Variants in PSPC1 observed in about 807,000 individuals in gnomAD.
PSPC1 encodes the protein paraspeckle component 1, also known as paraspeckle protein 1.
In PSPC1, 14 loss-of-function variants were observed where a neutral mutation model predicts 51.6. The observed-to-expected ratio is 0.27, with a 90% confidence interval of 0.18 to 0.42. PSPC1 has a LOEUF of 0.42. Among genes scored for constraint, PSPC1 ranks in the 10% least tolerant of loss-of-function variants. PSPC1 has a pLI of 1.00. For missense variants in PSPC1, 406 were observed against 701.1 expected (o/e 0.58, Z 4.75); for synonymous variants, 193 against 231.9 (o/e 0.83, Z 1.53).
chr13:19,769,941 T>A (rs1888464887), intron 2 of PSPC1, among the ~76,000 whole-genome samples: 2 of 152,136 alleles, frequency 1.3e-5, no homozygotes, highest in African/African-American at 4.8e-5. Flanking sequence ...CTAAGCCACA[T>A]GAAAGCCTAA....
chr13:19,678,731 T>C (rs1876940944), intron 6 of PSPC1: 1 of 152,188 alleles, frequency 6.6e-6, no homozygotes, highest in African/African-American at 2.4e-5. Flanking sequence ...AGAGGACCCA[T>C]GGGGTCCCTA....
At position 19,772,340 on chromosome 13, in the gene PSPC1, G is replaced by A. The variant is rs367790114; in HGVS notation, c.576C>T (p.Arg192=). 225 of 1,614,050 alleles carry A rather than the reference G, an allele frequency of 1.4e-4. No individual in the cohort carries two copies. The highest frequency in any genetic ancestry group is 1.9e-4 in the Non-Finnish European group (221 of 1,180,050). The part of the protein sequence containing the change: ...VEKAVVVVDD[R]GRATGKGFVE... ...CAAAACCTTTTCCTGTAGCTCTACC[G>A]CGATCATCCACAACCACAACAGCTT... Residue 192 remains arginine (R), a synonymous_variant, in exon 2 of 9, where the codon CGC becomes CGT. Transcript: ENST00000338910.
chr13:19,709,009 A>C (rs1881054205), intron 7 of PSPC1, among the ~76,000 whole-genome samples: 1 of 151,840 alleles, frequency 6.6e-6, no homozygotes, highest in Non-Finnish European at 1.5e-5. Context: ...CTAAAAATAC[A>C]AAAAATAAGC....
At chr13:19,771,330 G>C (rs1022846560) in intron 2 of PSPC1, among the ~76,000 whole-genome samples, 3 of 152,058 alleles carry the variant, frequency 2.0e-5, no homozygotes, top group Non-Finnish European at 4.4e-5. Flanking sequence ...GTAGAGACAG[G>C]GTTTCGCCAT....
downstream of PSPC1, chr13:19,671,939 T>C: frequency 6.6e-7 from 1 of 1,517,208 alleles, no homozygotes. Context: ...TTGACAGCAG[T>C]TTGGAATTCT....
intron 6 of PSPC1, among the ~76,000 whole-genome samples, chr13:19,692,359 A>C (rs1312159911): frequency 6.6e-6 from 1 of 152,042 alleles, no homozygotes; most frequent in Admixed American, 6.6e-5. Flanking sequence ...CAAGTGATCC[A>C]CCCACCTTGA....
chr13:19,755,050 T>C (rs561985939), intron 3 of PSPC1, among the ~76,000 whole-genome samples: 1 of 151,910 alleles, frequency 6.6e-6, no homozygotes, highest in South Asian at 2.1e-4. Flanking sequence ...CTGAGCAACA[T>C]GACAAAACTC....
chr13:19,707,796 T>G (rs1408827252), intron 7 of PSPC1, among the ~76,000 whole-genome samples: 1 of 152,204 alleles, frequency 6.6e-6, no homozygotes, highest in Admixed American at 6.5e-5. Flanking sequence ...AGTTTAGCTC[T>G]GATGTTAATG....
chr13:19,674,075 A>G (rs1442895980), downstream of PSPC1, among the ~76,000 whole-genome samples: 1 of 152,220 alleles, frequency 6.6e-6, no homozygotes, highest in African/African-American at 2.4e-5. Flanking sequence ...ATCACCACAG[A>G]TGGGATGCAT....
Position 19,734,957 on chromosome 13 carries a change from G to A in PSPC1, c.1053-4613C>T, listed in dbSNP as rs1353077752. ...CACACCACTGCATTACAGCCTGAGC[G>A]ACAGAGCGAGACTCCGTCTCAAAAA... is the stretch of plus-strand genomic sequence containing the variant. On this transcript the variant is annotated intron_variant, in intron 5 of 8. Transcript: ENST00000338910. 3.3e-5 allele frequency among the ~76,000 whole-genome samples: 5 copies of A among 150,252 alleles called. No homozygotes were observed. The East Asian group carries it at 8.0e-4, about 24-fold the overall frequency.
At chr13:19,691,368 C>G (rs1565962424) in intron 6 of PSPC1, among the ~76,000 whole-genome samples, 1 of 151,220 alleles carries the variant, frequency 6.6e-6, no homozygotes, top group African/African-American at 2.4e-5. Flanking sequence ...GTTTCTATAA[C>G]TTTTTTTTTA....
chr13:19,768,265 A>G (rs1417915566), intron 2 of PSPC1, among the ~76,000 whole-genome samples: 1 of 151,908 alleles, frequency 6.6e-6, no homozygotes, highest in Admixed American at 6.6e-5. Context: ...AGAAAATTTA[A>G]AAACAAGCCA....
intron 8 of PSPC1, among the ~76,000 whole-genome samples, chr13:19,704,187 T>C (rs1457360293): frequency 1.3e-5 from 2 of 152,280 alleles, no homozygotes; most frequent in Non-Finnish European, 2.9e-5. Context: ...ACACAAAAAC[T>C]TAACCAAAGT....
At chr13:19,672,213 C>T (rs1001327948), downstream of PSPC1, 10 of 217,356 alleles carry the variant, frequency 4.6e-5, no homozygotes, top group South Asian at 8.3e-5. Flanking sequence ...GGTGCGATCT[C>T]GGCTCACTGC....
At chr13:19,733,124 A>C (rs1884334875) in intron 5 of PSPC1, among the ~76,000 whole-genome samples, 1 of 152,164 alleles carries the variant, frequency 6.6e-6, no homozygotes, top group South Asian at 2.1e-4. Flanking sequence ...ATACACAGAT[A>C]TATATTGTGG....
At chr13:19,677,471 C>T (rs900121922) in intron 7 of PSPC1, among the ~76,000 whole-genome samples, 2 of 152,132 alleles carry the variant, frequency 1.3e-5, no homozygotes, top group Non-Finnish European at 1.5e-5. Flanking sequence ...GAGGGCAAGG[C>T]GAAGCTGAGA....
intron 6 of PSPC1, among the ~76,000 whole-genome samples, chr13:19,721,038 CATT>C (rs1882706715): frequency 8.4e-6 from 1 of 118,526 alleles, no homozygotes. Flanking sequence ...TGAACATAGA[CATT>C]ATAATTTTTT....
Position 19,755,129 on chromosome 13 carries a change from G to A in PSPC1, c.771-3662C>T, listed in dbSNP as rs551492709. On this transcript the variant is annotated intron_variant, in intron 3 of 8. Transcript: ENST00000338910. The stretch of plus-strand genomic sequence containing the variant: ...CACATCTGTAGTCCCAGCTACTTGG[G>A]GGGTGCTGAGGTGGAAGGATCACTT... Among the ~76,000 whole-genome samples, 27 of 152,126 alleles carry A rather than the reference G, an allele frequency of 1.8e-4. 1 individual carries two copies. The East Asian group carries it at 4.7e-3, about 26-fold the overall frequency.
At chr13:19,736,645 T>C (rs1164189434) in intron 5 of PSPC1, among the ~76,000 whole-genome samples, 8 of 152,226 alleles carry the variant, frequency 5.3e-5, no homozygotes, top group Non-Finnish European at 7.4e-5. Context: ...ATCGCGCCAC[T>C]GCACTCCAGC....
Sources: gnomAD v4.1 joint callset for allele counts (sites outside exome capture counted in the v4.1 genomes callset) on GRCh38, gnomAD v4.1.1 for gene constraint, MANE v1.5 for transcripts, NCBI Gene and HGNC (gene_info 2026-07-23, HGNC 2026-07-21) for gene names.